The following ABCA1 variants were observed in gnomAD, a reference collection of about 807,000 sequenced individuals.
ABCA1 encodes the protein phospholipid-transporting ATPase ABCA1.
A neutral mutation model predicts 262.5 loss-of-function variants in ABCA1; 133 were observed. The observed-to-expected ratio is 0.51, with a 90% CI of 0.44 to 0.59. The LOEUF (loss-of-function observed/expected upper bound fraction) is 0.59. Among genes scored for constraint, ABCA1 ranks in the 20% least tolerant of loss-of-function variants. The pLI is 0.00. For missense variants in ABCA1, 2,452 were observed against 2,777.5 expected, an observed-to-expected ratio of 0.88 and a Z score of 2.63; for synonymous variants, 1,022 against 1,043.5, an observed-to-expected ratio of 0.98 and a Z score of 0.40.
intron 31 of ABCA1, among the ~76,000 whole-genome samples, chr9:104,805,397 G>A (rs1388396458): frequency 6.6e-6 from 1 of 152,106 alleles, no homozygotes; most frequent in East Asian, 1.9e-4. Flanking sequence ...TTTCAAGAGT[G>A]GTAACCAAGC....
At chr9:104,900,443 TATCATGGACTGC>T in intron 2 of ABCA1, among the ~76,000 whole-genome samples, 1 of 152,296 alleles carries the variant, frequency 6.6e-6, no homozygotes, top group South Asian at 2.1e-4. Context: ...AGGCAACAGC[TATCATGGACTGC>T]TAACTTCTTC....
intron 1 of ABCA1, among the ~76,000 whole-genome samples, chr9:104,910,865 C>T (rs573811091): frequency 3.5e-4 from 53 of 152,154 alleles, no homozygotes; most frequent in African/African-American, 1.2e-3. Flanking sequence ...CCACCAAGCC[C>T]AGCTAACTTT....
rs1464431132 is a variant in ABCA1, at chr9:104,783,815, A to G, written c.*500T>C. ...CTTCAAACTTTCTGAAAAACTTGGC[A>G]CTAATAACTCTGGCACACTCATTGC... On this transcript the variant is annotated 3_prime_UTR_variant, in exon 50 of 50. Transcript: ENST00000374736. 1 of 163,860 alleles carries G rather than the reference A, an allele frequency of 6.1e-6. No individual in the cohort carries two copies. The highest frequency in any genetic ancestry group is 1.3e-5 in the Non-Finnish European group (1 of 74,604). 10.2% of individuals were successfully genotyped at this position (163,860 alleles called of 1,614,324 possible). A position where few individuals can be genotyped will look rare whatever the true frequency, so the allele number is the denominator to read the frequency against.
intron 31 of ABCA1, among the ~76,000 whole-genome samples, chr9:104,805,539 G>T (rs531279432): frequency 2.0e-5 from 3 of 152,220 alleles, no homozygotes; most frequent in African/African-American, 2.4e-5. Context: ...AATGGCTCAG[G>T]ACTCCTTCCC....
rs1564089295 is a variant in ABCA1 at position 104,796,262 on chromosome 9, C to T, written c.5237+47G>A. On this transcript the variant is annotated intron_variant, in intron 38 of 49. Transcript: ENST00000374736. The stretch of plus-strand genomic sequence containing the variant: ...CTGCCCTCCTTCTGACACTGGGCAC[C>T]AAATGCCTTATCCACTGTGCAGCTC... The T allele has an allele frequency of 2.5e-6, 4 of 1,613,736 alleles. No homozygotes were observed. In the South Asian group the frequency reaches 3.3e-5, roughly 13 times the overall value.
At chr9:104,845,276 C>G (rs1446774765) in intron 8 of ABCA1, among the ~76,000 whole-genome samples, 1 of 152,232 alleles carries the variant, frequency 6.6e-6, no homozygotes, top group Non-Finnish European at 1.5e-5. Context: ...CCAATTAGCT[C>G]TGAGACATCT....
In ABCA1 at chr9:104,837,452, T is replaced by C; in HGVS notation, c.1170A>G (p.Pro390=). 1 of 1,614,078 alleles carries C rather than the reference T, an allele frequency of 6.2e-7. No individual in the cohort carries two copies. Among genetic ancestry groups the C allele is most frequent in the East Asian group, 2.2e-5 (1 of 44,888 alleles). The change falls in exon 10 of 50, where the codon CCA becomes CCG. Residue 390 remains proline, a synonymous_variant. Coordinates refer to ENST00000374736, the MANE Select transcript of ABCA1 (RefSeq NM_005502.4). ...VGKILYTPDT[P]ATRQVMAEVN... ...CCTCAGCCATGACCTGCCTTGTGGC[T>C]GGAGTGTCAGGTGTATACAGGATCT...
At chr9:104,787,646 T>C (rs1444114355) in intron 46 of ABCA1, among the ~76,000 whole-genome samples, 1 of 152,190 alleles carries the variant, frequency 6.6e-6, no homozygotes, top group Non-Finnish European at 1.5e-5. Context: ...TTAGAAAGAA[T>C]GTTCCAGAGA....
intron 5 of ABCA1, among the ~76,000 whole-genome samples, chr9:104,880,175 C>G (rs946888757): frequency 2.0e-5 from 3 of 152,152 alleles, no homozygotes; most frequent in African/African-American, 7.2e-5. Flanking sequence ...ACCAGATCAG[C>G]TTCAAGGATC....
intron 10 of ABCA1, 68 bp from the exon 11 acceptor site, chr9:104,837,164 TC>T: frequency 7.5e-7 from 1 of 1,340,632 alleles, no homozygotes; most frequent in Non-Finnish European, 1.1e-6. Context: ...AGCGTTTGGC[TC>T]CTCCCTGAAA....
At chr9:104,861,105 T>C (rs1255596699) in intron 6 of ABCA1, among the ~76,000 whole-genome samples, 2 of 152,158 alleles carry the variant, frequency 1.3e-5, no homozygotes, top group Non-Finnish European at 2.9e-5. Context: ...TCCGTTCATT[T>C]CTGTTTCCCC....
At chr9:104,831,912 G>C (rs1026188572) in intron 12 of ABCA1, 85 bp from the exon 13 acceptor site, 3 of 1,207,188 alleles carry the variant, frequency 2.5e-6, no homozygotes, top group Admixed American at 1.7e-5. Flanking sequence ...AGGAGGCAAG[G>C]GCTGACTACA....
intron 3 of ABCA1, among the ~76,000 whole-genome samples, chr9:104,887,883 C>T (rs552123839): frequency 2.6e-5 from 4 of 151,918 alleles, no homozygotes; most frequent in South Asian, 4.2e-4. Context: ...TGCGCCACCA[C>T]GCCTGGCTAA....
chr9:104,856,984 C>G (rs1835891075), intron 7 of ABCA1, among the ~76,000 whole-genome samples: 1 of 152,144 alleles, frequency 6.6e-6, no homozygotes, highest in African/African-American at 2.4e-5. Context: ...GCAAAGATCC[C>G]TGTAGAGAAA....
At chr9:104,814,040 C>T in intron 27 of ABCA1, 78 bp downstream of exon 27, 4 of 1,476,632 alleles carry the variant, frequency 2.7e-6, no homozygotes, top group Non-Finnish European at 3.8e-6. Context: ...AAAGGCCATC[C>T]AAAGAAAACA....
At chr9:104,913,680 C>T (rs989393717) in intron 1 of ABCA1, among the ~76,000 whole-genome samples, 1 of 152,196 alleles carries the variant, frequency 6.6e-6, no homozygotes, top group Non-Finnish European at 1.5e-5. Context: ...ATAAAACCCC[C>T]TCTTGGGGGT....
intron 5 of ABCA1, among the ~76,000 whole-genome samples, chr9:104,873,807 T>C (rs901799223): frequency 2.0e-5 from 3 of 152,206 alleles, no homozygotes; most frequent in African/African-American, 7.2e-5. Context: ...TTTGCCACAA[T>C]AGTCCTGAGG....
In ABCA1 at chr9:104,799,394, TCACACA is replaced by T. The variant is rs3983647; in HGVS notation, c.4943+419_4943+424del. Reference sequence around the variant, plus strand: ...AACTAGCTCATCCTGGCTTTAAACTTCACACACACACACACACACACACACACACAC... The same window carrying T: ...AACTAGCTCATCCTGGCTTTAAACTTCACACACACACACACACACACACAC... On this transcript the variant is annotated intron_variant, in intron 36 of 49. Coordinates refer to ENST00000374736, the MANE Select transcript of ABCA1 (RefSeq NM_005502.4). 2.8e-3 allele frequency: 1,545 copies of T among 553,002 alleles called. 8 individuals carry two copies. The highest frequency in any genetic ancestry group is 0.022 in the South Asian group (295 of 13,306). 34.3% of individuals were successfully genotyped at this position (553,002 alleles called of 1,614,324 possible).
chr9:104,817,092 A>G lies in ABCA1; in HGVS notation c.3535+240T>C, dbSNP rs138945710. The G allele has an allele frequency of 1.8e-3, 988 of 551,516 alleles. 7 individuals carry two copies. In the South Asian group the frequency reaches 0.028, roughly 16 times the overall value. 34.2% of individuals were successfully genotyped at this position (551,516 alleles called of 1,614,324 possible). On this transcript the variant is annotated intron_variant, in intron 24 of 49. Coordinates refer to ENST00000374736, the MANE Select transcript of ABCA1 (RefSeq NM_005502.4). This position sits in a 1 kb window ranked among gnomAD's most constrained non-coding sequence, Gnocchi z 4.7. ...CCCCTAAGGGATTCCCCAAACCCCAATCATCTCAGCTCTCTGGGACACTGC... is the reference window on the plus strand; with the variant it reads ...CCCCTAAGGGATTCCCCAAACCCCAGTCATCTCAGCTCTCTGGGACACTGC...
Sources: allele counts gnomAD v4.1 joint callset (sites outside exome capture counted in the v4.1 genomes callset), GRCh38; gene constraint gnomAD v4.1.1; non-coding constraint Gnocchi (gnomAD v3.1); transcripts MANE v1.5; gene names NCBI Gene and HGNC (gene_info 2026-07-23, HGNC 2026-07-21).